USP45: variants seen among roughly 807,000 people sequenced by gnomAD.
USP45 encodes ubiquitin specific peptidase 45, also known as ubiquitin carboxyl-terminal hydrolase 45.
A neutral mutation model predicts 95.8 loss-of-function variants in USP45; 89 were observed. The observed-to-expected ratio is 0.93, with a 90% CI of 0.78 to 1.11. The LOEUF (loss-of-function observed/expected upper bound fraction) is 1.11. Among genes scored for constraint, USP45 ranks in the 50% least tolerant of loss-of-function variants. The pLI is 0.00. For synonymous variants in USP45, 281 were observed against 316.2 expected, an observed-to-expected ratio of 0.89 and a Z score of 1.18; for missense variants, 898 against 942.5, an observed-to-expected ratio of 0.95 and a Z score of 0.62.
intron 13 of USP45, among the ~76,000 whole-genome samples, chr6:99,455,819 TAAAAAAAAAAAAAA>T (rs35285232): frequency 2.3e-5 from 1 of 44,338 alleles, no homozygotes; most frequent in African/African-American, 9.7e-5. Context: ...ATGTGAGAGC[TAAAAAAAAAAAAAA>T]AAAAAAAAAA....
chr6:99,468,438 T>G, intron 10 of USP45, 99 bp downstream of exon 10: 1 of 788,208 alleles, frequency 1.3e-6, no homozygotes, highest in Non-Finnish European at 2.1e-6. Context: ...AGCCACTACT[T>G]TGGTGGATTA....
intron 5 of USP45, among the ~76,000 whole-genome samples, chr6:99,493,210 G>A (rs1795569341): frequency 6.6e-6 from 1 of 151,940 alleles, no homozygotes; most frequent in African/African-American, 2.4e-5. Flanking sequence ...ATTTTTAGTA[G>A]AGATGGGGTT....
intron 13 of USP45, among the ~76,000 whole-genome samples, chr6:99,463,133 C>T (rs1786952096): frequency 6.6e-6 from 1 of 151,946 alleles, no homozygotes; most frequent in Admixed American, 6.6e-5. Flanking sequence ...ATACAACAGC[C>T]AGGTATGTCC....
At chr6:99,512,954 A>C (rs1308033339) in intron 1 of USP45, among the ~76,000 whole-genome samples, 2 of 152,168 alleles carry the variant, frequency 1.3e-5, no homozygotes, top group African/African-American at 4.8e-5. Context: ...CCAGGCTGAC[A>C]AGAGGCTGCA....
Position 99,488,124 on chromosome 6 carries a change from C to T in USP45, c.714+76G>A, listed in dbSNP as rs554045779. On this transcript the variant is annotated intron_variant, in intron 7 of 17. Transcript: ENST00000500704. ...GCTACTATCTTAGTTGACTGATCTG[C>T]GAATTAGGAAAAGAGATTTTGGTAA... 1.5e-5 allele frequency: 14 copies of T among 951,188 alleles called. No individual in the cohort carries two copies. The African/African-American group carries it at 1.5e-4, about 10-fold the overall frequency. 58.9% of individuals were successfully genotyped at this position (951,188 alleles called of 1,614,324 possible).
At chr6:99,438,078 C>T (rs1053318987) in intron 16 of USP45, among the ~76,000 whole-genome samples, 1 of 152,132 alleles carries the variant, frequency 6.6e-6, no homozygotes, top group East Asian at 1.9e-4. Flanking sequence ...AGACATGTAC[C>T]ACACTATTAA....
chr6:99,516,501 T>C (rs887116782), upstream of USP45, among the ~76,000 whole-genome samples: 2 of 152,216 alleles, frequency 1.3e-5, no homozygotes, highest in Admixed American at 1.3e-4. Context: ...AGTATTTACA[T>C]GTGGAGAACT....
chr6:99,480,145 C>A (rs1583263896), intron 8 of USP45, among the ~76,000 whole-genome samples: 1 of 152,096 alleles, frequency 6.6e-6, no homozygotes, highest in East Asian at 1.9e-4. Flanking sequence ...AAAAGAGTAC[C>A]ATTTACAATA....
Position 99,510,224 on chromosome 6 carries a change from T to C in USP45, c.-4A>G. 1 of 1,612,512 alleles carries C rather than the reference T, an allele frequency of 6.2e-7. No individual in the cohort carries two copies. Among genetic ancestry groups the C allele is most frequent in the South Asian group, 1.1e-5 (1 of 90,794 alleles). On this transcript the variant is annotated 5_prime_UTR_variant, in exon 2 of 18. Coordinates refer to ENST00000500704, the MANE Select transcript of USP45 (RefSeq NM_001346022.3). ...TAGTTGGATCTTTCACCCGCATCTGTTATTTACTGAAGGGATTGAGGGAAA... is the reference window on the plus strand; with the variant it reads ...TAGTTGGATCTTTCACCCGCATCTGCTATTTACTGAAGGGATTGAGGGAAA...
In USP45 at chr6:99,482,893, C is replaced by T. The variant is rs1281692910; in HGVS notation, c.715-10G>A. 2 of 1,501,566 alleles carry T rather than the reference C, an allele frequency of 1.3e-6. No homozygotes were observed. Among genetic ancestry groups the T allele is most frequent in the African/African-American group, 2.8e-5 (2 of 71,022 alleles). 93.0% of individuals were successfully genotyped at this position (1,501,566 alleles called of 1,614,324 possible). On this transcript the variant is annotated splice_polypyrimidine_tract_variant and intron_variant, in intron 7 of 17. Coordinates refer to ENST00000500704, the MANE Select transcript of USP45 (RefSeq NM_001346022.3). The stretch of plus-strand genomic sequence containing the variant: ...CCACCACCAATGGGTCCTTTAAAAA[C>T]ATGATCAACTCTATGTCAGAAATGT...
intron 10 of USP45, chr6:99,468,161 C>T: frequency 2.2e-6 from 1 of 456,520 alleles, no homozygotes; most frequent in Non-Finnish European, 4.4e-6. Context: ...AACATTTTGT[C>T]TAGTTACATC....
At chr6:99,462,586 GT>G (rs1448129599) in intron 13 of USP45, 1 of 984,996 alleles carries the variant, frequency 1.0e-6, no homozygotes, top group Non-Finnish European at 1.2e-6. Flanking sequence ...GAATTTAACT[GT>G]CCTATATATC....
At chr6:99,439,305 G>A (rs140755668) in intron 16 of USP45, among the ~76,000 whole-genome samples, 75 of 152,280 alleles carry the variant, frequency 4.9e-4, no homozygotes, top group African/African-American at 1.7e-3. Flanking sequence ...TATTAAAGTA[G>A]CAGCAGTTTT....
chr6:99,463,068 G>GT (rs925269543), intron 13 of USP45, among the ~76,000 whole-genome samples: 22 of 151,694 alleles, frequency 1.5e-4, no homozygotes, highest in African/African-American at 4.1e-4. Context: ...ATATAAAAAA[G>GT]TTTTTTTTGC....
intron 7 of USP45, among the ~76,000 whole-genome samples, chr6:99,484,789 CAAA>C (rs754506826): frequency 4.5e-5 from 4 of 88,840 alleles, no homozygotes; most frequent in Admixed American, 2.4e-4. Flanking sequence ...AGACTGTCTC[CAAA>C]AAAAAAAAAA....
intron 1 of USP45, among the ~76,000 whole-genome samples, chr6:99,514,491 CTT>C (rs145718301): frequency 0.029 from 4,485 of 152,294 alleles, 91 homozygotes; most frequent in Middle Eastern, 0.095. Flanking sequence ...TATGTTAACT[CTT>C]TTTAGCACAA....
intron 5 of USP45, among the ~76,000 whole-genome samples, chr6:99,498,939 A>G (rs1796849711): frequency 6.6e-6 from 1 of 152,110 alleles, no homozygotes; most frequent in Non-Finnish European, 1.5e-5. Context: ...ATGGCATAGT[A>G]TTTATTTCAT....
chr6:99,464,859 A>G lies in USP45; in HGVS notation c.1165-112T>C, dbSNP rs961971889. On this transcript the variant is annotated intron_variant, in intron 12 of 17. Coordinates refer to ENST00000500704, the MANE Select transcript of USP45 (RefSeq NM_001346022.3). Reference sequence around the variant, plus strand: ...AATACAAAAAATTAACAAATTATCAAAATAAAAAGTGTTTAAGAGTTTAAA... The same window carrying G: ...AATACAAAAAATTAACAAATTATCAGAATAAAAAGTGTTTAAGAGTTTAAA... The G allele has an allele frequency of 3.9e-6, 5 of 1,268,212 alleles. No individual in the cohort carries two copies. In the Admixed American group the frequency reaches 8.7e-5, roughly 22 times the overall value. The allele number at this position is 1,268,212 out of a possible 1,614,324, so 78.6% of individuals were successfully genotyped here.
At chr6:99,474,501 T>A (rs749391935) in intron 9 of USP45, among the ~76,000 whole-genome samples, 25 of 152,240 alleles carry the variant, frequency 1.6e-4, no homozygotes, top group Non-Finnish European at 2.5e-4. Context: ...TCTGGCAGAA[T>A]TTTTTTTAAA....
Sources: allele counts gnomAD v4.1 joint callset (sites outside exome capture counted in the v4.1 genomes callset), GRCh38; gene constraint gnomAD v4.1.1; transcripts MANE v1.5; gene names NCBI Gene and HGNC (gene_info 2026-07-23, HGNC 2026-07-21).